ADAMTS12: variants seen among roughly 807,000 people sequenced by gnomAD.
The protein encoded by ADAMTS12 is A disintegrin and metalloproteinase with thrombospondin motifs 12.
Under a neutral mutation model 167.8 loss-of-function variants are expected in ADAMTS12, and 118 were observed. The observed-to-expected ratio is 0.70, with a 90% CI of 0.61 to 0.82. ADAMTS12 has a LOEUF of 0.82. Ranked by LOEUF, ADAMTS12 falls within the 40% of genes least tolerant of loss-of-function variation. The pLI, the probability that ADAMTS12 is intolerant of heterozygous loss-of-function variation, is 0.00. For synonymous variants in ADAMTS12, 704 were observed against 716.9 expected (o/e 0.98, Z 0.29); for missense variants, 1,916 against 1,998.8 (o/e 0.96, Z 0.79).
At chr5:33,700,804 A>G (rs1168352688) in intron 3 of ADAMTS12, among the ~76,000 whole-genome samples, 1 of 152,244 alleles carries the variant, frequency 6.6e-6, no homozygotes, top group South Asian at 2.1e-4. Flanking sequence ...GGTGAGGGGT[A>G]CATGAGATCT....
chr5:33,689,600 G>A (rs1489257003), intron 3 of ADAMTS12, among the ~76,000 whole-genome samples: 1 of 152,098 alleles, frequency 6.6e-6, no homozygotes, highest in Non-Finnish European at 1.5e-5. Context: ...TCAGACAAGT[G>A]CTACTCAGGG....
intron 2 of ADAMTS12, among the ~76,000 whole-genome samples, chr5:33,811,436 G>A (rs181768640): frequency 5.4e-4 from 83 of 152,312 alleles, no homozygotes; most frequent in African/African-American, 1.9e-3. Context: ...CTGAGAAGGT[G>A]ATGTCTGAAA....
chr5:33,790,734 A>C (rs1366154813), intron 2 of ADAMTS12, among the ~76,000 whole-genome samples: 4 of 148,354 alleles, frequency 2.7e-5, no homozygotes, highest in African/African-American at 4.9e-5. Flanking sequence ...TATACACACA[A>C]ACACACATAT....
intron 5 of ADAMTS12, among the ~76,000 whole-genome samples, chr5:33,664,450 A>T (rs546001118): frequency 6.6e-6 from 1 of 152,318 alleles, no homozygotes; most frequent in East Asian, 1.9e-4. Context: ...ATTATGCTGG[A>T]TAGCAAGAAA....
rs371873900 is a variant in ADAMTS12 at position 33,696,314 on chromosome 5, G to A, written c.635-12259C>T. Among the ~76,000 whole-genome samples the A allele has an allele frequency of 2.2e-4, 33 of 151,398 alleles. No individual in the cohort carries two copies. In the East Asian group the frequency reaches 6.1e-3, roughly 28 times the overall value. ...CGGGCGCCTGTAGTCCCAGCTACTC[G>A]GGAGGCTGAGGCAGGAGAATGGCGG... On this transcript the variant is annotated intron_variant, in intron 3 of 23. Transcript: ENST00000504830.
chr5:33,723,983 A>G (rs898805044), intron 3 of ADAMTS12, among the ~76,000 whole-genome samples: 21 of 152,190 alleles, frequency 1.4e-4, no homozygotes, highest in Admixed American at 4.6e-4. Flanking sequence ...TGAGATTTTC[A>G]TGGTGATTGT....
At chr5:33,684,168 C>T (rs777003456) in intron 3 of ADAMTS12, 113 bp from the exon 4 acceptor site, 47 of 835,296 alleles carry the variant, frequency 5.6e-5, no homozygotes, top group African/African-American at 1.2e-4. Context: ...ATAATATAAA[C>T]GCAATGTTTT....
At chr5:33,666,800 G>A (rs1029003581) in intron 5 of ADAMTS12, among the ~76,000 whole-genome samples, 1 of 151,970 alleles carries the variant, frequency 6.6e-6, no homozygotes, top group Non-Finnish European at 1.5e-5. Context: ...CACCATACAG[G>A]GTCTTTTTAA....
chr5:33,891,647 T>G, intron 1 of ADAMTS12, 83 bp downstream of exon 1: 2 of 1,584,562 alleles, frequency 1.3e-6, no homozygotes, highest in Non-Finnish European at 8.6e-7. Flanking sequence ...TTCTGCCGGG[T>G]GGGGGAAGGG....
intron 7 of ADAMTS12, among the ~76,000 whole-genome samples, chr5:33,653,265 T>C (rs1244767844): frequency 6.6e-6 from 1 of 152,158 alleles, no homozygotes; most frequent in Non-Finnish European, 1.5e-5. Context: ...AAAATTAATA[T>C]TAATATAATC....
chr5:33,862,245 T>A (rs535735310), intron 2 of ADAMTS12, among the ~76,000 whole-genome samples: 1 of 152,292 alleles, frequency 6.6e-6, no homozygotes, highest in East Asian at 1.9e-4. Context: ...CAGGAGCTGA[T>A]TTTTTGAAAA....
At position 33,576,401 on chromosome 5, in the gene ADAMTS12, A is replaced by G. The variant is rs761144578; in HGVS notation, c.3625T>C (p.Trp1209Arg). 10 of 1,614,026 alleles carry G rather than the reference A, an allele frequency of 6.2e-6. 1 individual carries two copies. The highest frequency in any genetic ancestry group is 1.7e-4 in the Middle Eastern group (1 of 6,058). ...ATTACTGTGCTGAAGGGTGGCCACCAGGACTCCCTGCTGAGATCTGGTGTT... is the reference window on the plus strand; with the variant it reads ...ATTACTGTGCTGAAGGGTGGCCACCGGGACTCCCTGCTGAGATCTGGTGTT... ...PLTPDLSRES[W>R]WPPFSTVMEG... The change falls in exon 19 of 24, where the codon TGG (tryptophan) becomes CGG (arginine). Residue 1209 changes from tryptophan (W) to arginine (R), a missense_variant. Transcript: ENST00000504830.
chr5:33,585,052 TCC>T, intron 18 of ADAMTS12, among the ~76,000 whole-genome samples: 1 of 131,832 alleles, frequency 7.6e-6, no homozygotes, highest in Non-Finnish European at 1.8e-5. Context: ...CATCCATCCA[TCC>T]ATCCATCCAT....
chr5:33,668,552 G>C (rs59579183), intron 5 of ADAMTS12, among the ~76,000 whole-genome samples: 18,633 of 152,180 alleles, frequency 0.12, 1,617 homozygotes, highest in South Asian at 0.36. Flanking sequence ...CGCCCAGGCT[G>C]GAGTGCAGTA....
chr5:33,735,751 G>A (rs934319775), intron 3 of ADAMTS12, among the ~76,000 whole-genome samples: 3 of 152,138 alleles, frequency 2.0e-5, no homozygotes, highest in African/African-American at 4.8e-5. Flanking sequence ...TGTCCAGCAC[G>A]GACCATGAAA....
chr5:33,812,752 A>G (rs1345652864), intron 2 of ADAMTS12, among the ~76,000 whole-genome samples: 1 of 152,240 alleles, frequency 6.6e-6, no homozygotes, highest in Non-Finnish European at 1.5e-5. Flanking sequence ...AATACATCAC[A>G]ACTCATTTAT....
intron 19 of ADAMTS12, among the ~76,000 whole-genome samples, chr5:33,564,640 T>A (rs148982169): frequency 1.2e-4 from 19 of 152,086 alleles, no homozygotes; most frequent in African/African-American, 4.3e-4. Context: ...TAAGCAGGAG[T>A]GGTAACCCAG....
At position 33,759,930 on chromosome 5, in the gene ADAMTS12, G is replaced by A. The variant is rs117377051; in HGVS notation, c.490-8382C>T. The stretch of plus-strand genomic sequence containing the variant: ...ATGCAACCACCAAAGAGAATAAGGC[G>A]TCAGGTGACCCACTAGTCCAGAGGT... On this transcript the variant is annotated intron_variant, in intron 2 of 23. Transcript: ENST00000504830. Among the ~76,000 whole-genome samples the A allele has an allele frequency of 9.9e-4, 151 of 152,270 alleles. 2 individuals are homozygous for A. The East Asian group carries it at 0.026, about 26-fold the overall frequency.
chr5:33,546,897 A>G (rs1745009614), intron 21 of ADAMTS12, among the ~76,000 whole-genome samples: 1 of 152,230 alleles, frequency 6.6e-6, no homozygotes, highest in South Asian at 2.1e-4. Flanking sequence ...TAGTTTTAGC[A>G]TGGTTACAAC....
Sources: allele counts gnomAD v4.1 joint callset (sites outside exome capture counted in the v4.1 genomes callset), GRCh38; gene constraint gnomAD v4.1.1; transcripts MANE v1.5; gene names NCBI Gene and HGNC (gene_info 2026-07-23, HGNC 2026-07-21).